The following JAZF1 variants were observed in gnomAD, a reference collection of about 807,000 sequenced individuals.
The protein encoded by JAZF1 is JAZF zinc finger 1, also known as juxtaposed with another zinc finger protein 1.
A neutral mutation model predicts 26.4 loss-of-function variants in JAZF1; 8 were observed. That is an observed-to-expected ratio of 0.30 (90% CI 0.18 to 0.55). The LOEUF (loss-of-function observed/expected upper bound fraction) is 0.55, where lower values mean the gene tolerates loss of function less well. JAZF1 is among the 20% of genes least tolerant of loss of function. The pLI, the probability that JAZF1 is intolerant of heterozygous loss-of-function variation, is 0.94. For synonymous variants in JAZF1, 126 were observed against 122.3 expected (o/e 1.03, Z -0.20); for missense variants, 199 against 322.0 (o/e 0.62, Z 2.92).
chr7:28,015,842 C>T (rs545488914), intron 1 of JAZF1, among the ~76,000 whole-genome samples: 66 of 152,262 alleles, frequency 4.3e-4, no homozygotes, highest in African/African-American at 1.5e-3. Flanking sequence ...TGCCCATGCT[C>T]AGGATCGTCC....
chr7:28,050,722 TA>T (rs1469573031), intron 1 of JAZF1, among the ~76,000 whole-genome samples: 8 of 152,138 alleles, frequency 5.3e-5, no homozygotes, highest in Non-Finnish European at 1.5e-5. Context: ...ATTGTTGGAT[TA>T]AAAAAAAGAA....
At chr7:28,158,186 C>CACACACAGAGAGAG (rs149643430) in intron 1 of JAZF1, among the ~76,000 whole-genome samples, 1 of 143,346 alleles carries the variant, frequency 7.0e-6, no homozygotes, top group African/African-American at 2.6e-5. Flanking sequence ...CACACACACA[C>CACACACAGAGAGAG]AGAGAGAGAG....
chr7:27,902,340 C>T (rs1420504149), intron 2 of JAZF1, among the ~76,000 whole-genome samples: 2 of 152,176 alleles, frequency 1.3e-5, no homozygotes, highest in Non-Finnish European at 2.9e-5. Context: ...ATCTTTACTA[C>T]ATGTGATATA....
At chr7:28,111,676 G>A (rs73302969) in intron 1 of JAZF1, among the ~76,000 whole-genome samples, 1,924 of 152,240 alleles carry the variant, frequency 0.013, 31 homozygotes, top group African/African-American at 0.044. Context: ...AAGTATTAGA[G>A]GATATTGTTA....
chr7:28,005,111 A>G (rs1438276205), intron 1 of JAZF1, among the ~76,000 whole-genome samples: 3 of 152,328 alleles, frequency 2.0e-5, no homozygotes, highest in South Asian at 2.1e-4. Context: ...TATGGTTTTC[A>G]TCTATTCAGT....
intron 1 of JAZF1, among the ~76,000 whole-genome samples, chr7:28,168,210 G>A (rs986412968): frequency 2.6e-5 from 4 of 151,854 alleles, no homozygotes; most frequent in Admixed American, 6.6e-5. Flanking sequence ...GTGAAACTCC[G>A]TCTCCACTAA....
intron 1 of JAZF1, among the ~76,000 whole-genome samples, chr7:28,082,832 AT>A (rs1202498111): frequency 2.4e-4 from 37 of 152,046 alleles, no homozygotes; most frequent in Non-Finnish European, 1.5e-5. Flanking sequence ...CACCATTACT[AT>A]TCCCTGCTCC....
At chr7:27,859,555 T>G (rs1049672840) in intron 3 of JAZF1, among the ~76,000 whole-genome samples, 16 of 152,214 alleles carry the variant, frequency 1.1e-4, no homozygotes, top group Admixed American at 6.5e-5. Context: ...TAGGATGAGG[T>G]CATGTCCTTT....
chr7:28,122,830 G>A (rs867198050), intron 1 of JAZF1, among the ~76,000 whole-genome samples: 20 of 152,198 alleles, frequency 1.3e-4, no homozygotes, highest in African/African-American at 4.8e-4. Context: ...TGAGCCTCTA[G>A]TTAGCTAGAA....
chr7:28,021,787 G>A (rs1783011891), intron 1 of JAZF1, among the ~76,000 whole-genome samples: 1 of 152,138 alleles, frequency 6.6e-6, no homozygotes, highest in African/African-American at 2.4e-5. Context: ...TTGGCTTTCT[G>A]GAGACAAGGG....
At position 27,840,074 on chromosome 7, in the gene JAZF1, G is replaced by A. The variant is rs1175051275; in HGVS notation, c.555+624C>T. Among the ~76,000 whole-genome samples, 1 of 152,152 alleles carries A rather than the reference G, an allele frequency of 6.6e-6. No homozygotes were observed. Among genetic ancestry groups the A allele is most frequent in the Non-Finnish European group, 1.5e-5 (1 of 68,008 alleles). On this transcript the variant is annotated intron_variant, in intron 4 of 4. Transcript: ENST00000283928. This position sits in a 1 kb window ranked among gnomAD's most constrained non-coding sequence, Gnocchi z 5.1. ...CTTATTAGAAAAGTTAGCACCCCCA[G>A]CTGCCCATGACACCCAGGCCCTCAG...
intron 1 of JAZF1, among the ~76,000 whole-genome samples, chr7:28,164,906 C>T (rs1431152225): frequency 2.0e-5 from 3 of 152,192 alleles, no homozygotes; most frequent in Non-Finnish European, 4.4e-5. Flanking sequence ...ATGTGGCTCA[C>T]ATCTGTAATC....
chr7:27,838,760 G>A (rs192194172), intron 4 of JAZF1, among the ~76,000 whole-genome samples: 93 of 152,336 alleles, frequency 6.1e-4, no homozygotes, highest in East Asian at 3.9e-3. Flanking sequence ...CATCTCCAGC[G>A]CCTGGTCACA....
intron 1 of JAZF1, among the ~76,000 whole-genome samples, chr7:28,008,354 T>C (rs1782740022): frequency 6.6e-6 from 1 of 152,144 alleles, no homozygotes; most frequent in Non-Finnish European, 1.5e-5. Context: ...TGGCTGGGAC[T>C]ACAGGCGTGC....
intron 1 of JAZF1, among the ~76,000 whole-genome samples, chr7:27,995,244 A>G (rs77046554): frequency 0.04 from 6,123 of 152,328 alleles, 168 homozygotes; most frequent in Non-Finnish European, 0.061. Context: ...ACAATTGCCC[A>G]GAGATACAAT....
At chr7:27,997,772 C>T (rs1562553808) in intron 1 of JAZF1, among the ~76,000 whole-genome samples, 1 of 151,376 alleles carries the variant, frequency 6.6e-6, no homozygotes, top group Non-Finnish European at 1.5e-5. Flanking sequence ...TGGGGTCTTG[C>T]TATGTTGCCT....
rs1784104821 is a variant in JAZF1, at chr7:27,898,297, A to ATG, written c.189-2882_189-2881insCA. ...CTCTACGTCTAACTCATATATATATATATATATACATCGGTTTTTTTTTTT... is the reference window on the plus strand; with the variant it reads ...CTCTACGTCTAACTCATATATATATATGTATATATACATCGGTTTTTTTTTTT... On this transcript the variant is annotated intron_variant, in intron 2 of 4. Coordinates refer to ENST00000283928, the MANE Select transcript of JAZF1 (RefSeq NM_175061.4). Among the ~76,000 whole-genome samples the ATG allele has an allele frequency of 5.8e-5, 6 of 103,178 alleles. No homozygotes were observed. The South Asian group carries it at 1.9e-3, about 33-fold the overall frequency. The allele number at this position is 103,178 out of a possible 152,430, so 67.7% of individuals were successfully genotyped here.
At chr7:27,898,743 G>T (rs976506967) in intron 2 of JAZF1, among the ~76,000 whole-genome samples, 4 of 152,148 alleles carry the variant, frequency 2.6e-5, no homozygotes, top group African/African-American at 9.7e-5. Flanking sequence ...ATCTTCTATA[G>T]TGCTTTCTAG....
intron 1 of JAZF1, among the ~76,000 whole-genome samples, chr7:28,060,127 C>A (rs548804448): frequency 6.6e-6 from 1 of 152,182 alleles, no homozygotes; most frequent in East Asian, 1.9e-4. Context: ...TCATTGATTG[C>A]CTATCAAGCT....
Sources: gnomAD v4.1 joint callset for allele counts (sites outside exome capture counted in the v4.1 genomes callset) on GRCh38, gnomAD v4.1.1 for gene constraint, Gnocchi (gnomAD v3.1) non-coding constraint, MANE v1.5 for transcripts, NCBI Gene and HGNC (gene_info 2026-07-23, HGNC 2026-07-21) for gene names.